Variants in MBOAT2 observed in about 807,000 individuals in gnomAD.
MBOAT2 encodes membrane-bound glycerophospholipid O-acyltransferase 2.
Under a neutral mutation model 63.4 loss-of-function variants are expected in MBOAT2, and 28 were observed. That is an observed-to-expected ratio of 0.44 (90% confidence interval 0.33 to 0.61). MBOAT2 has a LOEUF of 0.61. Ranked by LOEUF, MBOAT2 falls within the 20% of genes least tolerant of loss-of-function variation. The pLI, the probability that MBOAT2 is intolerant of heterozygous loss-of-function variation, is 0.03. For missense variants in MBOAT2, 470 were observed against 605.8 expected (o/e 0.78, Z 2.35); for synonymous variants, 211 against 215.6 (o/e 0.98, Z 0.19).
At chr2:8,899,665 C>T (rs1233252575) in intron 4 of MBOAT2, among the ~76,000 whole-genome samples, 1 of 152,200 alleles carries the variant, frequency 6.6e-6, no homozygotes, top group African/African-American at 2.4e-5. Context: ...GAGGGGGTAG[C>T]TTGTTTCTCA....
chr2:8,857,212 AAAGT>A lies in MBOAT2; in HGVS notation c.*1463_*1466del, dbSNP rs1661155617. The A allele has an allele frequency of 6.6e-6, 1 of 152,660 alleles. No homozygotes were observed. 9.5% of individuals were successfully genotyped at this position (152,660 alleles called of 1,614,324 possible). ...CATTAAAAATTTAAGGCAAAAAGTAAAAGTAAGTTCCATACATAGGTCAAACAAA... is the reference window on the plus strand; with the variant it reads ...CATTAAAAATTTAAGGCAAAAAGTAAAAGTTCCATACATAGGTCAAACAAA... On this transcript the variant is annotated 3_prime_UTR_variant, in exon 13 of 13. Transcript: ENST00000305997.
chr2:8,865,505 T>C (rs1480986018), intron 9 of MBOAT2, among the ~76,000 whole-genome samples: 1 of 152,208 alleles, frequency 6.6e-6, no homozygotes, highest in Non-Finnish European at 1.5e-5. Flanking sequence ...TCAATAGGTC[T>C]CTCTCCTTCA....
At chr2:8,876,618 AAAG>A (rs1232896254) in intron 7 of MBOAT2, among the ~76,000 whole-genome samples, 1 of 152,166 alleles carries the variant, frequency 6.6e-6, no homozygotes, top group Non-Finnish European at 1.5e-5. Context: ...GGAAAGCAAA[AAAG>A]AAATGGAGGA....
chr2:8,898,802 C>T (rs1664690620), intron 4 of MBOAT2, among the ~76,000 whole-genome samples: 3 of 152,164 alleles, frequency 2.0e-5, no homozygotes, highest in Admixed American at 6.5e-5. Context: ...AAGAAGGCAT[C>T]CTTGAGGTCC....
chr2:9,000,472 CTTA>C (rs948721425), intron 1 of MBOAT2, among the ~76,000 whole-genome samples: 1 of 152,202 alleles, frequency 6.6e-6, no homozygotes, highest in African/African-American at 2.4e-5. Flanking sequence ...CAAAGAACAA[CTTA>C]TTATCACTAT....
chr2:8,932,950 C>T (rs1474300270), intron 3 of MBOAT2, among the ~76,000 whole-genome samples: 2 of 152,156 alleles, frequency 1.3e-5, no homozygotes, highest in East Asian at 3.8e-4. Context: ...TTAGCAAGTC[C>T]CAACTGTCTA....
At chr2:8,876,457 G>A (rs1662709481) in intron 7 of MBOAT2, among the ~76,000 whole-genome samples, 1 of 152,210 alleles carries the variant, frequency 6.6e-6, no homozygotes, top group South Asian at 2.1e-4. Flanking sequence ...GGTGAGCACT[G>A]TCAAAGTGTT....
At chr2:8,987,705 T>C (rs1671662916) in intron 1 of MBOAT2, among the ~76,000 whole-genome samples, 1 of 152,106 alleles carries the variant, frequency 6.6e-6, no homozygotes, top group Non-Finnish European at 1.5e-5. Context: ...GACCTGTAGG[T>C]TCAAACACCT....
At chr2:8,994,905 T>G (rs558412968) in intron 1 of MBOAT2, among the ~76,000 whole-genome samples, 2 of 152,066 alleles carry the variant, frequency 1.3e-5, no homozygotes, top group South Asian at 4.2e-4. Context: ...AGAGAGAAAA[T>G]GTATTGAGGA....
intron 1 of MBOAT2, among the ~76,000 whole-genome samples, chr2:8,970,521 A>C (rs1670371736): frequency 6.6e-6 from 1 of 152,242 alleles, no homozygotes; most frequent in African/African-American, 2.4e-5. Context: ...AACTAAGATC[A>C]GAGCAGAACT....
chr2:8,871,062 A>ACAGC (rs1378422542), intron 8 of MBOAT2, among the ~76,000 whole-genome samples: 2 of 152,008 alleles, frequency 1.3e-5, no homozygotes, highest in African/African-American at 4.8e-5. Flanking sequence ...TGGTGCGATC[A>ACAGC]CAGCTCACTG....
chr2:8,859,478 A>G (rs1043922668), intron 12 of MBOAT2, among the ~76,000 whole-genome samples: 1 of 152,260 alleles, frequency 6.6e-6, no homozygotes, highest in Non-Finnish European at 1.5e-5. Context: ...AACTGTATCT[A>G]TAACTGTAAG....
At chr2:8,903,064 CT>C (rs1214370958) in intron 4 of MBOAT2, among the ~76,000 whole-genome samples, 3 of 152,194 alleles carry the variant, frequency 2.0e-5, no homozygotes, top group Non-Finnish European at 4.4e-5. Flanking sequence ...ATTTACAATC[CT>C]TGAGCTAGAC....
At position 8,859,233 on chromosome 2, in the gene MBOAT2, A is replaced by C. The variant is rs547750516; in HGVS notation, c.1338-329T>G. Among the ~76,000 whole-genome samples the C allele has an allele frequency of 3.9e-5, 6 of 152,308 alleles. No individual in the cohort carries two copies. In the South Asian group the frequency reaches 1.0e-3, roughly 26 times the overall value. The stretch of plus-strand genomic sequence containing the variant: ...CCGGTAGCAATCTGAAAATCTCCCC[A>C]ATCCAGATAATCAAAAGTTGAGTCA... On this transcript the variant is annotated intron_variant, in intron 12 of 12. Transcript: ENST00000305997.
At chr2:8,969,499 A>G (rs1484348934) in intron 1 of MBOAT2, among the ~76,000 whole-genome samples, 1 of 152,226 alleles carries the variant, frequency 6.6e-6, no homozygotes, top group East Asian at 1.9e-4. Flanking sequence ...TCTTAATGAC[A>G]GGATCAAATT....
At chr2:8,879,008 G>A (rs1445883862) in intron 6 of MBOAT2, among the ~76,000 whole-genome samples, 6 of 150,354 alleles carry the variant, frequency 4.0e-5, no homozygotes, top group South Asian at 2.1e-4. Context: ...CCCGGGAGGC[G>A]GAGCTTGCAG....
In MBOAT2 at chr2:8,999,216, A is replaced by G. The variant is rs1346471016; in HGVS notation, c.75+4324T>C. Among the ~76,000 whole-genome samples, 6 of 152,314 alleles carry G rather than the reference A, an allele frequency of 3.9e-5. No individual in the cohort carries two copies. The East Asian group carries it at 9.7e-4, about 25-fold the overall frequency. On this transcript the variant is annotated intron_variant, in intron 1 of 12. Transcript: ENST00000305997. Reference sequence around the variant, plus strand: ...TGTCCCTAAACATGGCTGTTCAATGACTTTATACAGGCCAGCTTCATCCCT... The same window carrying G: ...TGTCCCTAAACATGGCTGTTCAATGGCTTTATACAGGCCAGCTTCATCCCT...
intron 1 of MBOAT2, among the ~76,000 whole-genome samples, chr2:8,961,053 T>A (rs1339315995): frequency 6.6e-6 from 1 of 152,152 alleles, no homozygotes; most frequent in Non-Finnish European, 1.5e-5. Flanking sequence ...GACAAAACCA[T>A]GGAAGATTTT....
intron 5 of MBOAT2, among the ~76,000 whole-genome samples, chr2:8,886,457 G>T (rs1236612227): frequency 6.6e-6 from 1 of 152,202 alleles, no homozygotes. Context: ...AAGATTAGCT[G>T]AGAAAATATG....
Sources: gnomAD v4.1 joint callset for allele counts (sites outside exome capture counted in the v4.1 genomes callset) on GRCh38, gnomAD v4.1.1 for gene constraint, MANE v1.5 for transcripts, NCBI Gene and HGNC (gene_info 2026-07-23, HGNC 2026-07-21) for gene names.